Variants in SPTLC3 observed in about 807,000 individuals in gnomAD.
The protein encoded by SPTLC3 is serine palmitoyltransferase long chain base subunit 3, also known as serine palmitoyltransferase 3.
Under a neutral mutation model 59.3 loss-of-function variants are expected in SPTLC3, and 36 were observed. The observed-to-expected ratio is 0.61, with a 90% CI of 0.47 to 0.80. The LOEUF (loss-of-function observed/expected upper bound fraction) is 0.80. Ranked by LOEUF, SPTLC3 falls within the 30% of genes least tolerant of loss-of-function variation. The pLI is 0.00. For missense variants in SPTLC3, 625 were observed against 685.1 expected (o/e 0.91, Z 0.98); for synonymous variants, 257 against 240.8 (o/e 1.07, Z -0.62).
chr20:13,077,546 T>C (rs556163651), intron 4 of SPTLC3, among the ~76,000 whole-genome samples: 220 of 152,100 alleles, frequency 1.4e-3, no homozygotes, highest in African/African-American at 4.6e-3. Flanking sequence ...TTGAATCCTG[T>C]GAATAAAGCT....
chr20:13,099,311 A>G (rs12625162), intron 6 of SPTLC3, among the ~76,000 whole-genome samples: 50,209 of 152,068 alleles, frequency 0.33, 10,592 homozygotes, highest in African/African-American at 0.6. Context: ...AAAACCAAGG[A>G]CATGGATTCT....
intron 2 of SPTLC3, among the ~76,000 whole-genome samples, chr20:13,056,944 G>A (rs968995614): frequency 2.0e-5 from 3 of 151,778 alleles, no homozygotes; most frequent in Non-Finnish European, 4.4e-5. Context: ...GTTTCACTAT[G>A]TTGGCCAGGC....
intron 8 of SPTLC3, among the ~76,000 whole-genome samples, chr20:13,119,867 A>G (rs1990805037): frequency 6.6e-6 from 1 of 152,232 alleles, no homozygotes; most frequent in Non-Finnish European, 1.5e-5. Context: ...TGATGACTTA[A>G]AAATCAGTCA....
intron 1 of SPTLC3, among the ~76,000 whole-genome samples, chr20:13,025,977 T>G (rs1279573354): frequency 6.6e-6 from 1 of 152,128 alleles, no homozygotes; most frequent in Non-Finnish European, 1.5e-5. Context: ...GAACATATGG[T>G]ATTTGGTTTT....
intron 2 of SPTLC3, among the ~76,000 whole-genome samples, chr20:13,065,973 A>C (rs1001711028): frequency 1.3e-5 from 2 of 152,250 alleles, no homozygotes; most frequent in Non-Finnish European, 2.9e-5. Context: ...ACAATATATT[A>C]TTAACTATAG....
intron 5 of SPTLC3, 66 bp from the exon 6 acceptor site, chr20:13,093,418 C>A: frequency 1.4e-6 from 2 of 1,433,898 alleles, no homozygotes; most frequent in South Asian, 1.2e-5. Context: ...TCTTCCTGTC[C>A]CCACAAGTTG....
intron 2 of SPTLC3, among the ~76,000 whole-genome samples, chr20:13,055,468 A>G (rs982752546): frequency 6.6e-6 from 1 of 152,088 alleles, no homozygotes; most frequent in African/African-American, 2.4e-5. Context: ...CTCCCCAGGT[A>G]CAAGTAACTA....
At chr20:13,131,966 T>C (rs2038129941) in intron 9 of SPTLC3, among the ~76,000 whole-genome samples, 1 of 151,954 alleles carries the variant, frequency 6.6e-6, no homozygotes, top group Admixed American at 6.6e-5. Context: ...GCTGGCATCC[T>C]TGCTTTTCCT....
At chr20:13,074,131 G>A in intron 3 of SPTLC3, 1 of 718,554 alleles carries the variant, frequency 1.4e-6, no homozygotes, top group South Asian at 1.4e-5. Flanking sequence ...CCCGGCACTG[G>A]CTGAGGGGGT....
chr20:13,036,227 A>C (rs937976435), intron 1 of SPTLC3, among the ~76,000 whole-genome samples: 4 of 152,060 alleles, frequency 2.6e-5, no homozygotes, highest in Non-Finnish European at 5.9e-5. Flanking sequence ...AACTGTTAGG[A>C]TCTATTTATA....
chr20:13,050,610 A>C (rs1987445428), intron 2 of SPTLC3: 1 of 152,186 alleles, frequency 6.6e-6, no homozygotes, highest in Admixed American at 6.5e-5. Flanking sequence ...TCACCAAAAG[A>C]TCTTCACCTA....
rs181009640 is a variant in SPTLC3 at position 13,115,008 on chromosome 20, G to A, written c.933-2498G>A. ...CCTGCACAGAGCTTCAAATTAACTC[G>A]TGGAATTATCTTTACCTACAGTCGT... On this transcript the variant is annotated intron_variant, in intron 7 of 11. Transcript: ENST00000399002. Among the ~76,000 whole-genome samples, 74 of 152,298 alleles carry A rather than the reference G, an allele frequency of 4.9e-4. 2 individuals carry two copies. Among genetic ancestry groups the A allele is most frequent in the East Asian group, 1.4e-3 (7 of 5,184 alleles).
At chr20:13,027,198 T>G (rs912075088) in intron 1 of SPTLC3, among the ~76,000 whole-genome samples, 1 of 152,250 alleles carries the variant, frequency 6.6e-6, no homozygotes, top group African/African-American at 2.4e-5. Flanking sequence ...GGTTTGCTTC[T>G]GGAGAACCCA....
At position 13,054,810 on chromosome 20, in the gene SPTLC3, C is replaced by T. The variant is rs192710011; in HGVS notation, c.303+5680C>T. Reference sequence around the variant, plus strand: ...CATCTTCAGTTTATCTTCAGCATGTCGACAGGAATCAAAGCCAGGGAAGTA... The same window carrying T: ...CATCTTCAGTTTATCTTCAGCATGTTGACAGGAATCAAAGCCAGGGAAGTA... On this transcript the variant is annotated intron_variant, in intron 2 of 11. Coordinates refer to ENST00000399002, the MANE Select transcript of SPTLC3 (RefSeq NM_018327.4). 4.6e-4 allele frequency among the ~76,000 whole-genome samples: 70 copies of T among 151,976 alleles called. 2 individuals carry two copies. The highest frequency in any genetic ancestry group is 3.3e-3 in the South Asian group (16 of 4,798).
At chr20:13,160,469 C>T (rs1052577651) in intron 11 of SPTLC3, among the ~76,000 whole-genome samples, 1 of 152,154 alleles carries the variant, frequency 6.6e-6, no homozygotes, top group Non-Finnish European at 1.5e-5. Context: ...TACATGCATC[C>T]TGACATTTTT....
At chr20:13,062,062 G>A (rs151086157) in intron 2 of SPTLC3, among the ~76,000 whole-genome samples, 44 of 152,156 alleles carry the variant, frequency 2.9e-4, no homozygotes, top group African/African-American at 6.5e-4. Flanking sequence ...CTACCCACAC[G>A]TGCCTGCCTC....
chr20:13,159,883 T>A lies in SPTLC3; in HGVS notation c.1416-120T>A, dbSNP rs981650653. 3.0e-6 allele frequency: 4 copies of A among 1,329,704 alleles called. No individual in the cohort carries two copies. In the Admixed American group the frequency reaches 9.9e-5, roughly 33 times the overall value. 82.4% of individuals were successfully genotyped at this position (1,329,704 alleles called of 1,614,324 possible). A position where few individuals can be genotyped will look rare whatever the true frequency, so the allele number is the denominator to read the frequency against. On this transcript the variant is annotated intron_variant, in intron 10 of 11. Coordinates refer to ENST00000399002, the MANE Select transcript of SPTLC3 (RefSeq NM_018327.4). The stretch of plus-strand genomic sequence containing the variant: ...AACTTCAATCATCTTCCACTTATTA[T>A]CATAAAAAAGAAAAAAGAAAAAAGA...
chr20:13,162,934 ACT>A (rs2038922065), intron 11 of SPTLC3, among the ~76,000 whole-genome samples: 2 of 151,300 alleles, frequency 1.3e-5, no homozygotes, highest in African/African-American at 4.9e-5. Context: ...AAGAAACCTA[ACT>A]CTGAGCACGA....
In SPTLC3 at chr20:13,121,556, G is replaced by A. The variant is rs1018904819; in HGVS notation, c.1152+3831G>A. Among the ~76,000 whole-genome samples the A allele has an allele frequency of 2.6e-5, 4 of 152,134 alleles. No homozygotes were observed. The South Asian group carries it at 6.2e-4, about 24-fold the overall frequency. ...CAGGGTTTTGAACTTCCAAATGGAC[G>A]TGGAAACCTCGATACGAGGAGACCT... On this transcript the variant is annotated intron_variant, in intron 8 of 11. Transcript: ENST00000399002.
Sources: gnomAD v4.1 joint callset for allele counts (sites outside exome capture counted in the v4.1 genomes callset) on GRCh38, gnomAD v4.1.1 for gene constraint, MANE v1.5 for transcripts, NCBI Gene and HGNC (gene_info 2026-07-23, HGNC 2026-07-21) for gene names.